STXBP6: variants seen among roughly 807,000 people sequenced by gnomAD.
STXBP6 encodes syntaxin binding protein 6, also known as syntaxin-binding protein 6.
In STXBP6, 21 loss-of-function variants were observed where a neutral mutation model predicts 26.9. That is an observed-to-expected ratio of 0.78 (90% confidence interval 0.55 to 1.12). The LOEUF is 1.12. Among genes scored for constraint, STXBP6 ranks in the 50% most tolerant of loss-of-function variants. STXBP6 has a pLI of 0.00. For synonymous variants in STXBP6, 97 were observed against 92.6 expected (o/e 1.05, Z -0.27); for missense variants, 232 against 257.9 (o/e 0.90, Z 0.69).
In STXBP6 at chr14:24,810,591, G is replaced by A. The variant is rs866077019; in HGVS notation, c.*2118C>T. The A allele has an allele frequency of 6.6e-6, 1 of 152,160 alleles. No homozygotes were observed. Among genetic ancestry groups the A allele is most frequent in the African/African-American group, 2.4e-5 (1 of 41,434 alleles). 9.4% of individuals were successfully genotyped at this position (152,160 alleles called of 1,614,324 possible). On this transcript the variant is annotated 3_prime_UTR_variant, in exon 6 of 6. Coordinates refer to ENST00000323944, the MANE Select transcript of STXBP6 (RefSeq NM_001394410.1). ...TCTAAAAGGATAAGCAGAGAGTGAG[G>A]AAAGAGGGCAAGACATGGAATACTT...
At chr14:25,021,093 C>T (rs556119160) in intron 1 of STXBP6, among the ~76,000 whole-genome samples, 4 of 152,172 alleles carry the variant, frequency 2.6e-5, no homozygotes, top group African/African-American at 9.7e-5. Context: ...CTGACATCCA[C>T]ACCACCACCA....
chr14:24,885,348 C>G (rs951014657), intron 2 of STXBP6, among the ~76,000 whole-genome samples: 2 of 152,166 alleles, frequency 1.3e-5, no homozygotes, highest in African/African-American at 4.8e-5. Flanking sequence ...AATAAGTGTT[C>G]TAAGAAGAAG....
At chr14:24,897,031 G>A (rs1316797085) in intron 2 of STXBP6, among the ~76,000 whole-genome samples, 1 of 152,096 alleles carries the variant, frequency 6.6e-6, no homozygotes, top group South Asian at 2.1e-4. Flanking sequence ...ATCACTGGGA[G>A]GTTTCTGCAG....
chr14:25,030,053 C>G (rs778464327), intron 1 of STXBP6, among the ~76,000 whole-genome samples: 1 of 152,180 alleles, frequency 6.6e-6, no homozygotes, highest in Non-Finnish European at 1.5e-5. Context: ...AGGTTACCAT[C>G]CCATTTTACA....
At chr14:25,016,822 G>A (rs1287003986) in intron 1 of STXBP6, among the ~76,000 whole-genome samples, 1 of 152,148 alleles carries the variant, frequency 6.6e-6, no homozygotes, top group African/African-American at 2.4e-5. Context: ...AAAAGGAGAT[G>A]GCATGGCTTC....
At chr14:24,971,932 T>A (rs1374909640) in intron 2 of STXBP6, among the ~76,000 whole-genome samples, 1 of 152,250 alleles carries the variant, frequency 6.6e-6, no homozygotes, top group Non-Finnish European at 1.5e-5. Flanking sequence ...GAAAAATTCT[T>A]AATAAATATT....
chr14:24,867,048 C>A (rs2069748814), intron 2 of STXBP6, among the ~76,000 whole-genome samples: 1 of 152,040 alleles, frequency 6.6e-6, no homozygotes, highest in Non-Finnish European at 1.5e-5. Flanking sequence ...GGTTACTCTG[C>A]AAAATTCATG....
At chr14:24,865,097 G>T (rs935467517) in intron 2 of STXBP6, among the ~76,000 whole-genome samples, 2 of 151,892 alleles carry the variant, frequency 1.3e-5, no homozygotes, top group African/African-American at 4.8e-5. Context: ...CTCTAGGCAA[G>T]ATCTACTAAA....
intron 2 of STXBP6, among the ~76,000 whole-genome samples, chr14:24,891,007 T>C (rs1490052675): frequency 6.6e-6 from 1 of 152,258 alleles, no homozygotes; most frequent in African/African-American, 2.4e-5. Flanking sequence ...TTTTGACCTT[T>C]ATCCTGAAAC....
At chr14:24,876,917 G>C (rs2139389747) in intron 2 of STXBP6, among the ~76,000 whole-genome samples, 1 of 152,278 alleles carries the variant, frequency 6.6e-6, no homozygotes, top group South Asian at 2.1e-4. Context: ...AAGATGTTAA[G>C]CCTGGTTGGT....
In STXBP6 at chr14:24,975,000, AAAGC is replaced by A. The variant is rs139067751; in HGVS notation, c.-32-154_-32-151del. On this transcript the variant is annotated intron_variant, in intron 1 of 5. Transcript: ENST00000323944. ...CTTGAAATGTATTATAGAAACATTA[AAAGC>A]AAGGTCTTCATATTTGTAATAACTA... The A allele has an allele frequency of 2.8e-3, 1,370 of 488,814 alleles. 15 individuals carry two copies. Among genetic ancestry groups the A allele is most frequent in the African/African-American group, 0.023 (1,185 of 50,850 alleles). 30.3% of individuals were successfully genotyped at this position (488,814 alleles called of 1,614,324 possible).
chr14:24,973,894 A>C (rs1358741311), intron 2 of STXBP6, among the ~76,000 whole-genome samples: 1 of 152,204 alleles, frequency 6.6e-6, no homozygotes, highest in Non-Finnish European at 1.5e-5. Flanking sequence ...AATTGAAGGA[A>C]AGTTTTTAAA....
intron 2 of STXBP6, among the ~76,000 whole-genome samples, chr14:24,946,559 G>A (rs148461005): frequency 8.5e-4 from 130 of 152,290 alleles, no homozygotes; most frequent in African/African-American, 2.9e-3. Context: ...AAAAGTAGCC[G>A]TTGGCTTAGG....
intron 1 of STXBP6, among the ~76,000 whole-genome samples, chr14:25,022,164 T>G (rs1355298944): frequency 6.6e-6 from 1 of 152,218 alleles, no homozygotes; most frequent in African/African-American, 2.4e-5. Flanking sequence ...TTGGCTAATT[T>G]AACTAAAAGC....
intron 1 of STXBP6, among the ~76,000 whole-genome samples, chr14:25,028,203 A>G (rs1364309166): frequency 6.6e-6 from 1 of 152,252 alleles, no homozygotes; most frequent in African/African-American, 2.4e-5. Flanking sequence ...AATGTAGATG[A>G]ACAGCCCTAT....
intron 1 of STXBP6, among the ~76,000 whole-genome samples, chr14:25,017,203 A>C (rs1216343063): frequency 6.6e-6 from 1 of 152,200 alleles, no homozygotes. Flanking sequence ...AAAAGGAAGG[A>C]CTTCTCACTC....
intron 2 of STXBP6, among the ~76,000 whole-genome samples, chr14:24,953,368 A>G (rs2073234050): frequency 1.3e-5 from 2 of 152,162 alleles, no homozygotes; most frequent in African/African-American, 2.4e-5. Context: ...ATGTAAACCT[A>G]TCTTTGAGAG....
At chr14:24,895,762 G>A (rs562290315) in intron 2 of STXBP6, among the ~76,000 whole-genome samples, 1 of 152,308 alleles carries the variant, frequency 6.6e-6, no homozygotes, top group Admixed American at 6.5e-5. Context: ...AGCTCACCTG[G>A]GCTGACATCC....
intron 1 of STXBP6, among the ~76,000 whole-genome samples, chr14:25,009,547 A>C (rs758894924): frequency 6.6e-6 from 1 of 152,190 alleles, no homozygotes; most frequent in African/African-American, 2.4e-5. Flanking sequence ...CCCTCAGTGA[A>C]ACAGAAACCC....
Sources: gnomAD v4.1 joint callset for allele counts (sites outside exome capture counted in the v4.1 genomes callset) on GRCh38, gnomAD v4.1.1 for gene constraint, MANE v1.5 for transcripts, NCBI Gene and HGNC (gene_info 2026-07-23, HGNC 2026-07-21) for gene names.